Variants in CACNA1E observed in about 807,000 individuals in gnomAD.
CACNA1E encodes the protein voltage-dependent R-type calcium channel subunit alpha-1E.
CACNA1E carries 40 observed loss-of-function variants against 259.2 expected under a neutral mutation model. The ratio of observed to expected loss-of-function variants is 0.15; its 90% CI spans 0.12 to 0.20. CACNA1E has a LOEUF of 0.20. CACNA1E is among the 10% of genes least tolerant of loss of function. CACNA1E has a pLI of 1.00. For missense variants in CACNA1E, 1,874 were observed against 3,040.1 expected (o/e 0.62, Z 9.02); for synonymous variants, 1,104 against 1,138.5 (o/e 0.97, Z 0.61).
chr1:181,688,696 A>G (rs756643865), intron 7 of CACNA1E, among the ~76,000 whole-genome samples: 1 of 152,186 alleles, frequency 6.6e-6, no homozygotes, highest in Non-Finnish European at 1.5e-5. Context: ...TGTCAAATAT[A>G]CAATACATTG....
intron 6 of CACNA1E, among the ~76,000 whole-genome samples, chr1:181,588,987 C>T (rs1306075759): frequency 6.6e-6 from 1 of 152,224 alleles, no homozygotes; most frequent in Non-Finnish European, 1.5e-5. Flanking sequence ...AGTCTTTATT[C>T]ACTGTTCCTC....
chr1:181,737,698 T>G, intron 23 of CACNA1E, 44 bp downstream of exon 23: 1 of 1,593,570 alleles, frequency 6.3e-7, no homozygotes, highest in Non-Finnish European at 8.6e-7. Flanking sequence ...AGTGCTCTGG[T>G]GCTCACCCCA....
At chr1:181,517,476 C>T (rs1389588330) in intron 3 of CACNA1E, among the ~76,000 whole-genome samples, 4 of 152,074 alleles carry the variant, frequency 2.6e-5, no homozygotes, top group Admixed American at 2.0e-4. Context: ...TCTGAGTCTG[C>T]TCTGGATGTG....
intron 6 of CACNA1E, among the ~76,000 whole-genome samples, chr1:181,618,451 G>A (rs555172911): frequency 6.6e-6 from 1 of 152,294 alleles, no homozygotes; most frequent in Admixed American, 6.5e-5. Flanking sequence ...TGTAATCCTG[G>A]TCACTCGGGA....
At chr1:181,574,574 A>G (rs1226088963) in intron 3 of CACNA1E, among the ~76,000 whole-genome samples, 1 of 152,188 alleles carries the variant, frequency 6.6e-6, no homozygotes, top group Non-Finnish European at 1.5e-5. Flanking sequence ...GGTAGAGATG[A>G]GTAAAATGGT....
chr1:181,666,489 CT>C (rs1176813956), intron 7 of CACNA1E, among the ~76,000 whole-genome samples: 1 of 152,066 alleles, frequency 6.6e-6, no homozygotes, highest in Admixed American at 6.6e-5. Flanking sequence ...AAGATGTCTG[CT>C]TTCTCCACTT....
At chr1:181,373,868 C>T (rs1038073612) in intron 1 of CACNA1E, among the ~76,000 whole-genome samples, 4 of 152,166 alleles carry the variant, frequency 2.6e-5, no homozygotes, top group Admixed American at 6.5e-5. Flanking sequence ...AGAAAATGCT[C>T]TTGTCTGGGA....
At chr1:181,557,250 A>C (rs1329274843) in intron 3 of CACNA1E, among the ~76,000 whole-genome samples, 1 of 152,184 alleles carries the variant, frequency 6.6e-6, no homozygotes, top group African/African-American at 2.4e-5. Flanking sequence ...ATTGCTTGGA[A>C]GGGCATGGGG....
chr1:181,519,004 A>C (rs3897380), intron 3 of CACNA1E, among the ~76,000 whole-genome samples: 2,181 of 152,252 alleles, frequency 0.014, 71 homozygotes, highest in East Asian at 0.14. Flanking sequence ...CAGGGAAAGA[A>C]ATTATGGCAA....
rs751082929 is a variant in CACNA1E, at chr1:181,641,703, G to GTTTTTTT, written c.952-9613_952-9607dup. 2.1e-3 allele frequency among the ~76,000 whole-genome samples: 171 copies of GTTTTTTT among 81,114 alleles called. 13 individuals are homozygous for GTTTTTTT. The highest frequency in any genetic ancestry group is 2.8e-3 in the Non-Finnish European group (115 of 40,416). 53.2% of individuals were successfully genotyped at this position (81,114 alleles called of 152,430 possible). A position where few individuals can be genotyped will look rare whatever the true frequency, so the allele number is the denominator to read the frequency against. On this transcript the variant is annotated intron_variant, in intron 6 of 47. Transcript: ENST00000367573. ...GATCATGAGGCAACACTAATTTTTT[G>GTTTTTTT]TTTTTTTTTTTTTTTTTTTTTTTTT... is the stretch of plus-strand genomic sequence containing the variant.
At chr1:181,337,784 T>C (rs1651826492) in intron 1 of CACNA1E, among the ~76,000 whole-genome samples, 1 of 152,230 alleles carries the variant, frequency 6.6e-6, no homozygotes, top group Admixed American at 6.5e-5. Flanking sequence ...GTTGTTTCCA[T>C]TGTCTTAACT....
intron 1 of CACNA1E, among the ~76,000 whole-genome samples, chr1:181,494,087 G>T: frequency 6.6e-6 from 1 of 152,194 alleles, no homozygotes; most frequent in South Asian, 2.1e-4. Flanking sequence ...CTTCCTCTGT[G>T]AAGCCTTCCT....
At chr1:181,740,995 T>A (rs912807943) in intron 25 of CACNA1E, among the ~76,000 whole-genome samples, 1 of 152,234 alleles carries the variant, frequency 6.6e-6, no homozygotes, top group African/African-American at 2.4e-5. Context: ...GAGACCCACC[T>A]TTTTTGTTAG....
intron 25 of CACNA1E, among the ~76,000 whole-genome samples, chr1:181,748,794 A>G (rs1438125636): frequency 6.6e-6 from 1 of 152,200 alleles, no homozygotes. Context: ...TATCTTCCCT[A>G]CTAGACTAGG....
intron 2 of CACNA1E, among the ~76,000 whole-genome samples, chr1:181,428,146 C>A (rs749723504): frequency 6.6e-6 from 1 of 152,162 alleles, no homozygotes; most frequent in Non-Finnish European, 1.5e-5. Flanking sequence ...CACGCTATGC[C>A]CTCACTCTCC....
At chr1:181,473,285 T>A (rs1662637306) in intron 2 of CACNA1E, among the ~76,000 whole-genome samples, 1 of 152,128 alleles carries the variant, frequency 6.6e-6, no homozygotes, top group Non-Finnish European at 1.5e-5. Context: ...GTTGGGACAT[T>A]TTGGATAGAC....
In CACNA1E at chr1:181,800,674, G is replaced by A. The variant is rs547686513; in HGVS notation, c.*1840G>A. 1 of 152,660 alleles carries A rather than the reference G, an allele frequency of 6.6e-6. No individual in the cohort carries two copies. The highest frequency in any genetic ancestry group is 2.1e-4 in the South Asian group (1 of 4,814). The allele number at this position is 152,660 out of a possible 1,614,324, so 9.5% of individuals were successfully genotyped here. The stretch of plus-strand genomic sequence containing the variant: ...CCAGCCCAGACACACTCCTCCTCTT[G>A]GGCAGGAGCAATCCAGAGTTGTTAT... On this transcript the variant is annotated 3_prime_UTR_variant, in exon 48 of 48. Coordinates refer to ENST00000367573, the MANE Select transcript of CACNA1E (RefSeq NM_001205293.3).
chr1:181,411,352 G>A (rs1557981862), intron 1 of CACNA1E, among the ~76,000 whole-genome samples: 2 of 152,168 alleles, frequency 1.3e-5, no homozygotes, highest in Non-Finnish European at 2.9e-5. Context: ...GCGTAAAACA[G>A]GGAAAACACC....
At chr1:181,391,584 T>G (rs645362) in intron 1 of CACNA1E, among the ~76,000 whole-genome samples, 80,044 of 151,924 alleles carry the variant, frequency 0.53, 22,607 homozygotes, top group African/African-American at 0.75. Flanking sequence ...CATGGCCAAC[T>G]AATGCCAGCT....
Sources: allele counts gnomAD v4.1 joint callset (sites outside exome capture counted in the v4.1 genomes callset), GRCh38; gene constraint gnomAD v4.1.1; transcripts MANE v1.5; gene names NCBI Gene and HGNC (gene_info 2026-07-23, HGNC 2026-07-21).